KCNQ1: variants seen among roughly 807,000 people sequenced by gnomAD.
The protein encoded by KCNQ1 is potassium voltage-gated channel subfamily KQT member 1.
KCNQ1 carries 49 observed loss-of-function variants against 72.4 expected under a neutral mutation model. That is an observed-to-expected ratio of 0.68 (90% confidence interval 0.54 to 0.86). The LOEUF (loss-of-function observed/expected upper bound fraction) is 0.86. Among genes scored for constraint, KCNQ1 ranks in the 40% least tolerant of loss-of-function variants. KCNQ1 has a pLI of 0.00. For synonymous variants in KCNQ1, 450 were observed against 412.6 expected, an observed-to-expected ratio of 1.09 and a Z score of -1.10; for missense variants, 790 against 945.1, an observed-to-expected ratio of 0.84 and a Z score of 2.15.
intron 10 of KCNQ1, among the ~76,000 whole-genome samples, chr11:2,591,020 T>C (rs1302917260): frequency 6.6e-6 from 1 of 152,254 alleles, no homozygotes; most frequent in African/African-American, 2.4e-5. Flanking sequence ...CTTTACCCTT[T>C]GGTCATTTCT....
chr11:2,775,854 A>T, intron 12 of KCNQ1, 106 bp from the exon 13 acceptor site: 1 of 1,075,608 alleles, frequency 9.3e-7, no homozygotes, highest in Non-Finnish European at 1.4e-6. Flanking sequence ...GCGAGCTCCC[A>T]GGTCTTCACA....
chr11:2,791,456 C>T (rs936544521), intron 15 of KCNQ1, among the ~76,000 whole-genome samples: 5 of 152,204 alleles, frequency 3.3e-5, no homozygotes, highest in Admixed American at 3.3e-4. Context: ...TGGGTCAGGG[C>T]ACAGCCTGCC....
chr11:2,719,039 C>A (rs570174812), intron 11 of KCNQ1, among the ~76,000 whole-genome samples: 5 of 152,340 alleles, frequency 3.3e-5, no homozygotes, highest in African/African-American at 1.2e-4. Flanking sequence ...CTTGTGACCC[C>A]CCTCCCGCCC....
rs1589939789 is a variant in KCNQ1 at position 2,541,574 on chromosome 11, C to G, written c.477+13556C>G. Among the ~76,000 whole-genome samples the G allele has an allele frequency of 6.6e-6, 1 of 151,978 alleles. No homozygotes were observed. The highest frequency in any genetic ancestry group is 2.4e-5 in the African/African-American group (1 of 41,376). ...TGAAAGCCTGGGATTGAGGACAAAG[C>G]CATGGGGACGCCGTTTTCGGGATGC... On this transcript the variant is annotated intron_variant, in intron 2 of 15. Coordinates refer to ENST00000155840, the MANE Select transcript of KCNQ1 (RefSeq NM_000218.3). This position sits in a 1 kb window ranked among gnomAD's most constrained non-coding sequence, Gnocchi z 4.8.
chr11:2,501,961 T>C (rs371821774), intron 1 of KCNQ1, among the ~76,000 whole-genome samples: 7 of 152,192 alleles, frequency 4.6e-5, no homozygotes, highest in African/African-American at 1.7e-4. Context: ...AGCATTTCAA[T>C]TGATGCTGAA....
intron 6 of KCNQ1, among the ~76,000 whole-genome samples, chr11:2,582,340 T>G (rs1848513079): frequency 6.6e-6 from 1 of 152,162 alleles, no homozygotes; most frequent in South Asian, 2.1e-4. Flanking sequence ...GACCCTGGTC[T>G]CGTGGGGGCT....
intron 11 of KCNQ1, among the ~76,000 whole-genome samples, chr11:2,736,756 G>A (rs937408060): frequency 6.6e-6 from 1 of 152,244 alleles, no homozygotes; most frequent in East Asian, 1.9e-4. Context: ...GCTGGTATGC[G>A]GCTGCCCTGG....
chr11:2,621,821 T>C lies in KCNQ1; in HGVS notation c.1393+32967T>C. 1 of 398,354 alleles carries C rather than the reference T, an allele frequency of 2.5e-6. No homozygotes were observed. Among genetic ancestry groups the C allele is most frequent in the Non-Finnish European group, 4.4e-6 (1 of 225,948 alleles). The allele number at this position is 398,354 out of a possible 1,614,324, so 24.7% of individuals were successfully genotyped here. On this transcript the variant is annotated intron_variant, in intron 10 of 15. Transcript: ENST00000155840. This position sits in a 1 kb window ranked among gnomAD's most constrained non-coding sequence, Gnocchi z 5.7. The stretch of plus-strand genomic sequence containing the variant: ...AAAAATCAATTCTTTGTTTCAAAAA[T>C]TGAAGTCTTAGTTTTACTGACTTTT...
At chr11:2,739,679 C>T (rs888796470) in intron 11 of KCNQ1, among the ~76,000 whole-genome samples, 6 of 152,232 alleles carry the variant, frequency 3.9e-5, no homozygotes, top group East Asian at 3.9e-4. Flanking sequence ...GCACTGGGCC[C>T]GCAGAGCTCC....
intron 1 of KCNQ1, among the ~76,000 whole-genome samples, chr11:2,519,342 G>A (rs530903665): frequency 2.0e-5 from 3 of 152,376 alleles, no homozygotes; most frequent in Admixed American, 2.0e-4. Context: ...ACCAGTGGGC[G>A]TGGACGTGAC....
intron 11 of KCNQ1, among the ~76,000 whole-genome samples, chr11:2,731,308 T>A (rs570975080): frequency 6.6e-6 from 1 of 152,322 alleles, no homozygotes; most frequent in Admixed American, 6.5e-5. Context: ...CACTGTTGCA[T>A]GGAGAGAACA....
chr11:2,561,200 CAAAA>C (rs1305352795), intron 2 of KCNQ1, among the ~76,000 whole-genome samples: 1 of 58,872 alleles, frequency 1.7e-5, no homozygotes, highest in Non-Finnish European at 3.4e-5. Flanking sequence ...GACTCCGTCT[CAAAA>C]AAAAAAAAAA....
chr11:2,513,613 AC>A (rs1847243939), intron 1 of KCNQ1, among the ~76,000 whole-genome samples: 1 of 152,048 alleles, frequency 6.6e-6, no homozygotes, highest in Non-Finnish European at 1.5e-5. Context: ...AGAGACAGCC[AC>A]CCGCCTGCTG....
chr11:2,844,763 C>T (rs376950167), intron 15 of KCNQ1, among the ~76,000 whole-genome samples: 3 of 152,244 alleles, frequency 2.0e-5, no homozygotes, highest in Non-Finnish European at 2.9e-5. Context: ...GGGACTTGGA[C>T]AGATGTTCGA....
chr11:2,555,628 CTG>C, intron 2 of KCNQ1, among the ~76,000 whole-genome samples: 1 of 152,380 alleles, frequency 6.6e-6, no homozygotes, highest in East Asian at 1.9e-4. Flanking sequence ...AGCTCCCAAA[CTG>C]TGGGGCTCAG....
In KCNQ1 at chr11:2,640,580, A is replaced by T. The variant is rs1430323640; in HGVS notation, c.1394-21381A>T. ...GGATTTCCTTTTTTTTTTTTTTTTG[A>T]CCGATACATAATACTTATGGGGTAC... On this transcript the variant is annotated intron_variant, in intron 10 of 15. Transcript: ENST00000155840. 3 of 354,216 alleles carry T rather than the reference A, an allele frequency of 8.5e-6. No individual in the cohort carries two copies. In the Admixed American group the frequency reaches 1.7e-4, roughly 20 times the overall value. The allele number at this position is 354,216 out of a possible 1,614,324, so 21.9% of individuals were successfully genotyped here.
Position 2,445,349 on chromosome 11 carries a change from C to G in KCNQ1, c.251C>G (p.Pro84Arg), listed in dbSNP as rs794728551. Residue 84 changes from proline to arginine, a missense_variant, in exon 1 of 16, where the codon CCG becomes CGG. By Grantham distance (103) the Pro-to-Arg change is moderately radical (BLOSUM62 -2). Coordinates refer to ENST00000155840, the MANE Select transcript of KCNQ1 (RefSeq NM_000218.3). ...PVASDLGPRP[P>R]VSLDPRVSIY... ...GCCTCCGACCTTGGCCCGCGGCCGC[C>G]GGTGAGCCTAGACCCGCGCGTCTCC... The G allele has an allele frequency of 1.9e-6, 3 of 1,593,898 alleles. No individual in the cohort carries two copies. The highest frequency in any genetic ancestry group is 1.7e-5 in the Admixed American group (1 of 59,720).
At position 2,659,591 on chromosome 11, in the gene KCNQ1, T is replaced by C. The variant is rs1186820294; in HGVS notation, c.1394-2370T>C. On this transcript the variant is annotated intron_variant, in intron 10 of 15. Coordinates refer to ENST00000155840, the MANE Select transcript of KCNQ1 (RefSeq NM_000218.3). This position sits in a 1 kb window ranked among gnomAD's most constrained non-coding sequence, Gnocchi z 4.3. ...ATTTATGTACAGGTTTTTGCGAACA[T>C]AAAAATTCAATTCACTTGGGTGGGA... The C allele has an allele frequency of 5.0e-6, 2 of 398,420 alleles. No homozygotes were observed. Among genetic ancestry groups the C allele is most frequent in the Non-Finnish European group, 8.8e-6 (2 of 226,022 alleles). 24.7% of individuals were successfully genotyped at this position (398,420 alleles called of 1,614,324 possible). A position where few individuals can be genotyped will look rare whatever the true frequency, so the allele number is the denominator to read the frequency against.
intron 15 of KCNQ1, among the ~76,000 whole-genome samples, chr11:2,829,050 A>G (rs1458654084): frequency 6.6e-6 from 1 of 152,274 alleles, no homozygotes; most frequent in Non-Finnish European, 1.5e-5. Context: ...AGAATAGAAT[A>G]AAGACATTTC....
Sources: allele counts gnomAD v4.1 joint callset (sites outside exome capture counted in the v4.1 genomes callset), GRCh38; gene constraint gnomAD v4.1.1; non-coding constraint Gnocchi (gnomAD v3.1); transcripts MANE v1.5; gene names NCBI Gene and HGNC (gene_info 2026-07-23, HGNC 2026-07-21).